MAP7D3: variants seen among roughly 807,000 people sequenced by gnomAD.
MAP7D3 encodes MAP7 domain containing 3.
Under a neutral mutation model 62.2 loss-of-function variants are expected in MAP7D3, and 45 were observed. The ratio of observed to expected loss-of-function variants is 0.72; its 90% CI spans 0.57 to 0.93. The LOEUF (loss-of-function observed/expected upper bound fraction) is 0.93. Among genes scored for constraint, MAP7D3 ranks in the 40% least tolerant of loss-of-function variants. The pLI, the probability that MAP7D3 is intolerant of heterozygous loss-of-function variation, is 0.00. For synonymous variants in MAP7D3, 288 were observed against 248.8 expected (o/e 1.16, Z -1.48); for missense variants, 711 against 683.1 (o/e 1.04, Z -0.45).
At position 136,246,549 on chromosome X, in the gene MAP7D3, A is replaced by G. The variant is rs745882148; in HGVS notation, c.71-208T>C. 4.5e-5 allele frequency among the ~76,000 whole-genome samples: 5 copies of G among 112,259 alleles called. No individual in the cohort carries two copies. The East Asian group carries it at 1.4e-3, about 31-fold the overall frequency. On this transcript the variant is annotated intron_variant, in intron 1 of 18. Coordinates refer to ENST00000316077, the MANE Select transcript of MAP7D3 (RefSeq NM_024597.4). ...TAACAAAGAATTTAAAGTGTTTACT[A>G]TGATGGGCCAGGGTATTTGTAGACA...
chrX:136,253,818 T>C (rs766689657), upstream of MAP7D3, among the ~76,000 whole-genome samples: 56 of 110,308 alleles, frequency 5.1e-4, no homozygotes, highest in African/African-American at 1.7e-3. Flanking sequence ...CGAAACACCA[T>C]CTCTAGAAAA....
At chrX:136,239,690 AG>A (rs2074366798) in intron 6 of MAP7D3, among the ~76,000 whole-genome samples, 1 of 112,622 alleles carries the variant, frequency 8.9e-6, no homozygotes, top group African/African-American at 3.2e-5. Context: ...TTCTAAAATG[AG>A]GTAATATTCA....
At position 136,227,304 on chromosome X, in the gene MAP7D3, C is replaced by T; in HGVS notation, c.2014G>A (p.Asp672Asn). 8.3e-7 allele frequency: 1 copy of T among 1,208,981 alleles called. No homozygotes were observed. Among genetic ancestry groups the T allele is most frequent in the South Asian group, 1.8e-5 (1 of 56,775 alleles). The part of the protein sequence containing the change: ...KKKKGWLDQE[D>N]QEAPLQKGDA... ...CAAACCTGCAGTGGTGCTTCCTGGT[C>T]TTCCTGATCCAGCCATCCTTTCTTC... is the stretch of plus-strand genomic sequence containing the variant. The change falls in exon 12 of 19, where the codon GAC becomes AAC. Residue 672 changes from aspartate to asparagine, a missense_variant. Coordinates refer to ENST00000316077, the MANE Select transcript of MAP7D3 (RefSeq NM_024597.4).
chrX:136,231,699 C>T lies in MAP7D3; in HGVS notation c.1258G>A (p.Gly420Arg). 3 of 1,211,423 alleles carry T rather than the reference C, an allele frequency of 2.5e-6. No individual in the cohort carries two copies. In the South Asian group the frequency reaches 5.3e-5, roughly 21 times the overall value. The stretch of plus-strand genomic sequence containing the variant: ...TCCTTGGGGGCTACTTCTGCGCTCC[C>T]CTTGGGAGGTGCTTCCAGGCTCCCC... The part of the protein sequence containing the change: ...PEGSLEAPPK[G>R]SAEVAPKESV... Residue 420 changes from glycine (G) to arginine (R), a missense_variant, in exon 8 of 19, where the codon GGG becomes AGG. Coordinates refer to ENST00000316077, the MANE Select transcript of MAP7D3 (RefSeq NM_024597.4).
upstream of MAP7D3, among the ~76,000 whole-genome samples, chrX:136,252,746 T>C (rs1335286338): frequency 9.8e-6 from 1 of 101,681 alleles, no homozygotes; most frequent in Non-Finnish European, 2.0e-5. Context: ...GCACCTACAA[T>C]TTTAACAAAA....
chrX:136,220,636 T>C, intron 16 of MAP7D3, 129 bp downstream of exon 16: 1 of 574,189 alleles, frequency 1.7e-6, no homozygotes, highest in East Asian at 3.3e-5. Context: ...TTTATTTCCG[T>C]TAAGTCAAAT....
chrX:136,251,282 C>G lies in MAP7D3; in HGVS notation c.70+7G>C, dbSNP rs2074506444. 1 of 1,129,654 alleles carries G rather than the reference C, an allele frequency of 8.9e-7. No individual in the cohort carries two copies. The allele number at this position is 1,129,654 out of a possible 1,213,427, so 93.1% of individuals were successfully genotyped here. ...GAACCACCCCCGGGAGCCACCCGCC[C>G]GCTCACCCATCCGTGCCCGCAGCTC... On this transcript the variant is annotated splice_region_variant and intron_variant, in intron 1 of 18. Coordinates refer to ENST00000316077, the MANE Select transcript of MAP7D3 (RefSeq NM_024597.4).
chrX:136,239,530 G>A (rs2074365324), intron 6 of MAP7D3, among the ~76,000 whole-genome samples: 2 of 112,202 alleles, frequency 1.8e-5, no homozygotes. Context: ...GGATGTTAGA[G>A]TAGAAATCAC....
intron 1 of MAP7D3, among the ~76,000 whole-genome samples, chrX:136,248,018 A>G (rs1382212885): frequency 1.8e-5 from 2 of 111,368 alleles, no homozygotes; most frequent in Non-Finnish European, 3.8e-5. Flanking sequence ...GGAGTTTGGA[A>G]CCAGCCTGGC....
In MAP7D3 at chrX:136,230,438, G is replaced by T; in HGVS notation, c.1697C>A (p.Ser566Tyr). The change falls in exon 10 of 19, where the codon TCT becomes TAT. Residue 566 changes from serine (S) to tyrosine (Y), a missense_variant. By Grantham distance (144) the Ser-to-Tyr change is moderately radical. Coordinates refer to ENST00000316077, the MANE Select transcript of MAP7D3 (RefSeq NM_024597.4). ...STVKKKKETV[S>Y]KTTNRCEALS... ...AGCCTCACATCTGTTAGTGGTTTTA[G>T]AAACTGTTTCTTTTTTCTTTTTGAC... is the stretch of plus-strand genomic sequence containing the variant. 1 of 1,205,479 alleles carries T rather than the reference G, an allele frequency of 8.3e-7. No individual in the cohort carries two copies.
At chrX:136,229,953 T>C (rs1480050734) in intron 10 of MAP7D3, among the ~76,000 whole-genome samples, 1 of 53,563 alleles carries the variant, frequency 1.9e-5, no homozygotes, top group African/African-American at 5.2e-5. Flanking sequence ...TAATTTTTTT[T>C]TTTGTGTGTG....
At chrX:136,252,676 CAAAAAAA>C (rs770751343), upstream of MAP7D3, among the ~76,000 whole-genome samples, 3 of 36,045 alleles carry the variant, frequency 8.3e-5, no homozygotes, top group Non-Finnish European at 1.3e-4. Context: ...GACTCTGTCT[CAAAAAAA>C]AAAAAAAAAA....
At chrX:136,251,591 C>G (rs2074515180), upstream of MAP7D3, 5 of 807,585 alleles carry the variant, frequency 6.2e-6, no homozygotes, top group Non-Finnish European at 7.4e-6. Context: ...AAGAAACCCT[C>G]TCCTATGTTC....
intron 10 of MAP7D3, among the ~76,000 whole-genome samples, chrX:136,229,989 ATATATT>A (rs2074245746): frequency 2.4e-4 from 11 of 46,620 alleles, no homozygotes; most frequent in Non-Finnish European, 3.5e-4. Context: ...ATATATATAT[ATATATT>A]TTTTTTTTTT....
chrX:136,216,468 G>A (rs747728270), downstream of MAP7D3, among the ~76,000 whole-genome samples: 16 of 107,697 alleles, frequency 1.5e-4, no homozygotes, highest in African/African-American at 5.0e-4. Context: ...CAGGTATGGT[G>A]CCATGACTGT....
intron 1 of MAP7D3, among the ~76,000 whole-genome samples, chrX:136,251,086 G>A (rs917001135): frequency 1.8e-5 from 2 of 112,682 alleles, no homozygotes; most frequent in African/African-American, 6.4e-5. Flanking sequence ...CGCGGCGTCG[G>A]CTGACAATTT....
At chrX:136,231,478 G>A (rs1198448750) in intron 8 of MAP7D3, 66 bp downstream of exon 8, 19 of 935,461 alleles carry the variant, frequency 2.0e-5, no homozygotes, top group East Asian at 1.9e-4. Context: ...CTGACCTATC[G>A]TGAACTATAC....
Position 136,222,380 on chromosome X carries a change from A to T in MAP7D3, c.2287+13T>A. ...ATGAACCTAAGCAGTCTAGCTCCTAAATGGTGACTAACCTGATGGAAACAT... is the reference window on the plus strand; with the variant it reads ...ATGAACCTAAGCAGTCTAGCTCCTATATGGTGACTAACCTGATGGAAACAT... On this transcript the variant is annotated intron_variant, in intron 15 of 18. Transcript: ENST00000316077. 4 of 1,184,780 alleles carry T rather than the reference A, an allele frequency of 3.4e-6. No individual in the cohort carries two copies. Among genetic ancestry groups the T allele is most frequent in the Non-Finnish European group, 4.6e-6 (4 of 871,374 alleles).
Sources: gnomAD v4.1 joint callset for allele counts (sites outside exome capture counted in the v4.1 genomes callset) on GRCh38, gnomAD v4.1.1 for gene constraint, MANE v1.5 for transcripts, NCBI Gene and HGNC (gene_info 2026-07-23, HGNC 2026-07-21) for gene names.